The following GTF2A1L variants were observed in gnomAD, a reference collection of about 807,000 sequenced individuals.
The protein encoded by GTF2A1L is general transcription factor IIA subunit 1 like.
GTF2A1L carries 48 observed loss-of-function variants against 49.7 expected under a neutral mutation model. The observed-to-expected ratio is 0.97, with a 90% CI of 0.77 to 1.23. The LOEUF (loss-of-function observed/expected upper bound fraction) is 1.23. Ranked by LOEUF, GTF2A1L falls within the 50% of genes most tolerant of loss-of-function variation. GTF2A1L has a pLI of 0.00. For missense variants in GTF2A1L, 736 were observed against 564.8 expected, an observed-to-expected ratio of 1.30 and a Z score of -3.07; for synonymous variants, 246 against 193.5, an observed-to-expected ratio of 1.27 and a Z score of -2.25.
At chr2:48,647,186 T>C in intron 6 of GTF2A1L, 144 bp downstream of exon 6, 1 of 795,776 alleles carries the variant, frequency 1.3e-6, no homozygotes, top group Non-Finnish European at 1.8e-6. Flanking sequence ...TTTTTTCTAG[T>C]GATTTAAAAA....
At position 48,641,160 on chromosome 2, in the gene GTF2A1L, ATTAC is replaced by A. The variant is rs975395685; in HGVS notation, c.248-1238_248-1235del. Among the ~76,000 whole-genome samples, 191 of 152,288 alleles carry A rather than the reference ATTAC, an allele frequency of 1.3e-3. 5 individuals carry two copies. Among genetic ancestry groups the A allele is most frequent in the Admixed American group, 0.012 (189 of 15,300 alleles). ...ACAGATTTTTATTTCCTCTCCGGCT[ATTAC>A]TTAAGCTGCAGCAGCTTAAGCTTTG... is the stretch of plus-strand genomic sequence containing the variant. On this transcript the variant is annotated intron_variant, in intron 3 of 8. Coordinates refer to ENST00000403751, the MANE Select transcript of GTF2A1L (RefSeq NM_006872.5).
At chr2:48,652,883 C>A (rs192690230) in intron 6 of GTF2A1L, among the ~76,000 whole-genome samples, 1 of 150,466 alleles carries the variant, frequency 6.6e-6, no homozygotes, top group Non-Finnish European at 1.5e-5. Context: ...TTGGTAGACA[C>A]GGGGGTTTCA....
intron 6 of GTF2A1L, among the ~76,000 whole-genome samples, chr2:48,668,995 T>C (rs1679024108): frequency 6.6e-6 from 1 of 152,148 alleles, no homozygotes; most frequent in African/African-American, 2.4e-5. Context: ...ATTTCCTTTA[T>C]ATATTTTTTA....
intron 6 of GTF2A1L, among the ~76,000 whole-genome samples, chr2:48,648,220 A>G (rs759419250): frequency 2.0e-5 from 3 of 150,150 alleles, no homozygotes; most frequent in Non-Finnish European, 4.5e-5. Flanking sequence ...TGTTTTATTG[A>G]GGTTTTTTTT....
intron 6 of GTF2A1L, among the ~76,000 whole-genome samples, chr2:48,651,760 C>G (rs754008103): frequency 3.3e-5 from 5 of 152,124 alleles, no homozygotes; most frequent in Non-Finnish European, 5.9e-5. Context: ...CAGAATTTTT[C>G]TGGCTTTTCA....
intron 5 of GTF2A1L, among the ~76,000 whole-genome samples, chr2:48,645,947 C>CA (rs1553376233): frequency 1.4e-5 from 2 of 144,354 alleles, no homozygotes; most frequent in East Asian, 4.0e-4. Flanking sequence ...CGCGCCTGGC[C>CA]TTTTTTTTTT....
chr2:48,676,907 A>G (rs1158742401), intron 8 of GTF2A1L, among the ~76,000 whole-genome samples: 1 of 149,212 alleles, frequency 6.7e-6, no homozygotes, highest in African/African-American at 2.4e-5. Context: ...ATAATGTAAC[A>G]TATGGTTTCA....
intron 6 of GTF2A1L, among the ~76,000 whole-genome samples, chr2:48,652,027 A>T (rs537242609): frequency 3.9e-5 from 6 of 152,296 alleles, no homozygotes; most frequent in African/African-American, 1.2e-4. Context: ...TAATCATGTG[A>T]ATTTTTCAAT....
chr2:48,678,212 A>G (rs1399673377), intron 8 of GTF2A1L, among the ~76,000 whole-genome samples: 23 of 151,988 alleles, frequency 1.5e-4, no homozygotes, highest in Admixed American at 1.4e-3. Context: ...TAAAGGTACC[A>G]CAATTAGTTG....
At chr2:48,664,574 G>A (rs1416721358) in intron 6 of GTF2A1L, among the ~76,000 whole-genome samples, 1 of 152,052 alleles carries the variant, frequency 6.6e-6, no homozygotes, top group Non-Finnish European at 1.5e-5. Flanking sequence ...TTCATAGAAT[G>A]AATTGCTATG....
chr2:48,645,106 A>C lies in GTF2A1L; in HGVS notation c.377A>C (p.Gln126Pro). The change falls in exon 5 of 9, where the codon CAG becomes CCG. Residue 126 changes from glutamine (Q) to proline (P), a missense_variant. By Grantham distance (76) the Gln-to-Pro change is moderately conservative (BLOSUM62 -1). Transcript: ENST00000403751. ...PIHVPAGVTL[Q>P]TVSGHLYKVN... ...CATGTACCAGCAGGTGTGACACTAC[A>C]GACTGTATCTGGTGAGAGTATATTC... 5 of 1,610,002 alleles carry C rather than the reference A, an allele frequency of 3.1e-6. No homozygotes were observed. Among genetic ancestry groups the C allele is most frequent in the South Asian group, 1.1e-5 (1 of 89,946 alleles).
At chr2:48,619,629 T>G (rs1186513532) in intron 1 of GTF2A1L, among the ~76,000 whole-genome samples, 1 of 152,172 alleles carries the variant, frequency 6.6e-6, no homozygotes, top group African/African-American at 2.4e-5. Context: ...TTGGCGTGAT[T>G]AAGCAATTTG....
chr2:48,672,988 C>T (rs1468710049), intron 8 of GTF2A1L, among the ~76,000 whole-genome samples: 1 of 152,160 alleles, frequency 6.6e-6, no homozygotes, highest in Non-Finnish European at 1.5e-5. Flanking sequence ...CACTGATCTA[C>T]TCTCTATTTC....
chr2:48,660,174 A>G (rs957470037), intron 6 of GTF2A1L, among the ~76,000 whole-genome samples: 5 of 152,080 alleles, frequency 3.3e-5, no homozygotes, highest in Non-Finnish European at 5.9e-5. Context: ...GTAATGTGCT[A>G]TTATATCTAT....
At chr2:48,673,862 C>T (rs1019504405) in intron 8 of GTF2A1L, among the ~76,000 whole-genome samples, 1 of 151,874 alleles carries the variant, frequency 6.6e-6, no homozygotes, top group African/African-American at 2.4e-5. Context: ...AGGGTAGGGA[C>T]CTCTGTAATA....
At chr2:48,662,858 C>T (rs565725136) in intron 6 of GTF2A1L, among the ~76,000 whole-genome samples, 1 of 151,700 alleles carries the variant, frequency 6.6e-6, no homozygotes, top group African/African-American at 2.4e-5. Flanking sequence ...GGGAGCTAAA[C>T]AACAAGAACA....
rs755383067 is a variant in GTF2A1L, at chr2:48,669,804, A to G, written c.1061A>G (p.Asp354Gly). 9 of 1,614,102 alleles carry G rather than the reference A, an allele frequency of 5.6e-6. No homozygotes were observed. In the East Asian group the frequency reaches 2.0e-4, roughly 36 times the overall value. The change falls in exon 7 of 9, where the codon GAT becomes GGT. Residue 354 changes from aspartate (D) to glycine (G), a missense_variant. Transcript: ENST00000403751. The part of the protein sequence containing the change: ...GEIIQVDGSG[D>G]TSSNEEIGST... ...ATAATTCAAGTAGATGGAAGCGGTG[A>G]TACATCTTCCAATGAAGAAATAGGA...
At position 48,626,165 on chromosome 2, in the gene GTF2A1L, A is replaced by C. The variant is rs1676280158; in HGVS notation, c.247+4875A>C. On this transcript the variant is annotated intron_variant, in intron 3 of 8. Coordinates refer to ENST00000403751, the MANE Select transcript of GTF2A1L (RefSeq NM_006872.5). ...TTGTGTCCTCTTAGCACCCTTGTTGAAAATCAGTTGACCATATGTGTTTGG... is the reference window on the plus strand; with the variant it reads ...TTGTGTCCTCTTAGCACCCTTGTTGCAAATCAGTTGACCATATGTGTTTGG... Among the ~76,000 whole-genome samples, 2 of 144,164 alleles carry C rather than the reference A, an allele frequency of 1.4e-5. 1 individual carries two copies. 94.6% of individuals were successfully genotyped at this position (144,164 alleles called of 152,430 possible). A position where few individuals can be genotyped will look rare whatever the true frequency, so the allele number is the denominator to read the frequency against.
chr2:48,623,079 G>A (rs1399018861), intron 3 of GTF2A1L, among the ~76,000 whole-genome samples: 1 of 152,010 alleles, frequency 6.6e-6, no homozygotes, highest in African/African-American at 2.4e-5. Flanking sequence ...TAATGAAGAG[G>A]TTTCAGAGGA....
Sources: gnomAD v4.1 joint callset for allele counts (sites outside exome capture counted in the v4.1 genomes callset) on GRCh38, gnomAD v4.1.1 for gene constraint, MANE v1.5 for transcripts, NCBI Gene and HGNC (gene_info 2026-07-23, HGNC 2026-07-21) for gene names.